SIGMAR1: variants seen among roughly 807,000 people sequenced by gnomAD.
SIGMAR1 encodes the protein SR31747 binding protein 1.
In SIGMAR1, 18 loss-of-function variants were observed where a neutral mutation model predicts 25.4. The ratio of observed to expected loss-of-function variants is 0.71; its 90% CI spans 0.49 to 1.05. The LOEUF is 1.05. Ranked by LOEUF, SIGMAR1 falls within the 50% of genes least tolerant of loss-of-function variation. The pLI is 0.00. For synonymous variants in SIGMAR1, 125 were observed against 131.6 expected (o/e 0.95, Z 0.34); for missense variants, 249 against 301.6 (o/e 0.83, Z 1.29).
At chr9:34,636,751 G>T (rs954726334) in intron 3 of SIGMAR1, 1 of 584,642 alleles carries the variant, frequency 1.7e-6, no homozygotes, top group Non-Finnish European at 3.1e-6. Context: ...GCAAAATTGT[G>T]CCTGGGCAGA....
chr9:34,636,545 G>C (rs557418750), intron 3 of SIGMAR1, among the ~76,000 whole-genome samples: 1 of 152,314 alleles, frequency 6.6e-6, no homozygotes, highest in East Asian at 1.9e-4. Context: ...TGAGGCAGGA[G>C]AATGGCGTGA....
chr9:34,635,731 G>A lies in SIGMAR1; in HGVS notation c.573C>T (p.Phe191=). 2 of 1,614,262 alleles carry A rather than the reference G, an allele frequency of 1.2e-6. No homozygotes were observed. Among genetic ancestry groups the A allele is most frequent in the South Asian group, 1.1e-5 (1 of 91,092 alleles). ...TLAFALADTV[F]STQDFLTLFY... Reference sequence around the variant, plus strand: ...AGAGGGTGAGGAAGTCCTGGGTGCTGAAGACAGTGTCGGCCAGCGCGAAGG... The same window carrying A: ...AGAGGGTGAGGAAGTCCTGGGTGCTAAAGACAGTGTCGGCCAGCGCGAAGG... The change falls in exon 4 of 4, where the codon TTC becomes TTT. Residue 191 remains phenylalanine, a synonymous_variant. Coordinates refer to ENST00000277010, the MANE Select transcript of SIGMAR1 (RefSeq NM_005866.4). The surrounding 1 kb of genome is among the most constrained non-coding windows in gnomAD (Gnocchi z 4.5).
intron 3 of SIGMAR1, among the ~76,000 whole-genome samples, chr9:34,636,246 C>T (rs747850767): frequency 1.3e-5 from 2 of 149,438 alleles, no homozygotes; most frequent in African/African-American, 4.9e-5. Context: ...ACCATGCCTG[C>T]GATGCATACA....
Position 34,635,971 on chromosome 9 carries a change from G to C in SIGMAR1, c.446-113C>G. 2 of 1,494,510 alleles carry C rather than the reference G, an allele frequency of 1.3e-6. No homozygotes were observed. The highest frequency in any genetic ancestry group is 2.4e-5 in the South Asian group (2 of 83,730). 92.6% of individuals were successfully genotyped at this position (1,494,510 alleles called of 1,614,324 possible). Reference sequence around the variant, plus strand: ...GGTGGGGAATGGAGAGGGAGCTTCAGAAAAACAAAAAGCCCTACCTCACTG... The same window carrying C: ...GGTGGGGAATGGAGAGGGAGCTTCACAAAAACAAAAAGCCCTACCTCACTG... On this transcript the variant is annotated intron_variant, in intron 3 of 3. Coordinates refer to ENST00000277010, the MANE Select transcript of SIGMAR1 (RefSeq NM_005866.4). The surrounding 1 kb of genome is among the most constrained non-coding windows in gnomAD (Gnocchi z 4.5).
At chr9:34,636,860 G>A in intron 3 of SIGMAR1, 137 bp downstream of exon 3, 1 of 743,864 alleles carries the variant, frequency 1.3e-6, no homozygotes, top group Non-Finnish European at 2.4e-6. Context: ...AATCACCTGT[G>A]GCTTATGGGA....
Position 34,637,425 on chromosome 9 carries a change from C to A in SIGMAR1, c.152-5G>T, listed in dbSNP as rs965148159. On this transcript the variant is annotated splice_region_variant and splice_polypyrimidine_tract_variant and intron_variant, in intron 1 of 3. Transcript: ENST00000277010. ...AGGCCAGCTCGTGGTCCAGCCCTGG[C>A]GGAGGCAGAGGGGCGGCGGAGTCAG... 9 of 1,601,362 alleles carry A rather than the reference C, an allele frequency of 5.6e-6. No homozygotes were observed. The highest frequency in any genetic ancestry group is 1.3e-5 in the African/African-American group (1 of 74,912).
rs777116486 is a variant in SIGMAR1, at chr9:34,635,833, A to C, written c.471T>G (p.Gly157=). The C allele has an allele frequency of 6.2e-7, 1 of 1,614,084 alleles. No homozygotes were observed. Among genetic ancestry groups the C allele is most frequent in the South Asian group, 1.1e-5 (1 of 91,078 alleles). Residue 157 remains glycine, a synonymous_variant, in exon 4 of 4, where the codon GGT becomes GGG. Transcript: ENST00000277010. The surrounding 1 kb of genome is among the most constrained non-coding windows in gnomAD (Gnocchi z 4.5). Reference sequence around the variant, plus strand: ...GCCCCCACTCCACAGCTGTTGCCTCACCAGGCCCGTGTACTACCGTCTCCC... The same window carrying C: ...GCCCCCACTCCACAGCTGTTGCCTCCCCAGGCCCGTGTACTACCGTCTCCC... ...YPGETVVHGP[G]EATAVEWGPN...
Sources: gnomAD v4.1 joint callset for allele counts (sites outside exome capture counted in the v4.1 genomes callset) on GRCh38, gnomAD v4.1.1 for gene constraint, Gnocchi (gnomAD v3.1) non-coding constraint, MANE v1.5 for transcripts, NCBI Gene and HGNC (gene_info 2026-07-23, HGNC 2026-07-21) for gene names.